The following NTRK3 variants were observed in gnomAD, a reference collection of about 807,000 sequenced individuals.
NTRK3 encodes NT-3 growth factor receptor.
A neutral mutation model predicts 91.7 loss-of-function variants in NTRK3; 24 were observed. The observed-to-expected ratio is 0.26, with a 90% CI of 0.19 to 0.37. The LOEUF is 0.37. Ranked by LOEUF, NTRK3 falls within the 10% of genes least tolerant of loss-of-function variation. NTRK3 has a pLI of 1.00. For missense variants in NTRK3, 880 were observed against 1,068.9 expected, an observed-to-expected ratio of 0.82 and a Z score of 2.46; for synonymous variants, 483 against 404.0, an observed-to-expected ratio of 1.20 and a Z score of -2.34.
intron 16 of NTRK3, among the ~76,000 whole-genome samples, chr15:87,930,247 C>T (rs547079437): frequency 4.6e-5 from 7 of 152,248 alleles, no homozygotes; most frequent in South Asian, 2.1e-4. Context: ...AAATCAAGCC[C>T]GGATTTGTTA....
chr15:87,869,592 T>C (rs568892656), exon 19 of NTRK3: 10 of 213,184 alleles, frequency 4.7e-5, no homozygotes, highest in Admixed American at 4.1e-4. Context: ...ATTAAGACTT[T>C]CGTGGAGTTT....
intron 6 of NTRK3, among the ~76,000 whole-genome samples, chr15:88,140,662 T>C (rs961877983): frequency 5.9e-5 from 9 of 152,358 alleles, no homozygotes; most frequent in African/African-American, 2.2e-4. Flanking sequence ...GCAATGATGT[T>C]ATCACGTCCT....
At chr15:87,881,858 G>C (rs554530026) in intron 17 of NTRK3, among the ~76,000 whole-genome samples, 2 of 152,068 alleles carry the variant, frequency 1.3e-5, no homozygotes, top group Non-Finnish European at 2.9e-5. Flanking sequence ...AATTTTAGGA[G>C]GTAAATTATA....
chr15:88,069,245 G>A (rs993149300), intron 13 of NTRK3, among the ~76,000 whole-genome samples: 1 of 152,124 alleles, frequency 6.6e-6, no homozygotes, highest in Non-Finnish European at 1.5e-5. Flanking sequence ...ATCCAAAGTG[G>A]CATCACCATA....
At chr15:88,053,331 A>G (rs1040735703) in intron 13 of NTRK3, among the ~76,000 whole-genome samples, 2 of 152,212 alleles carry the variant, frequency 1.3e-5, no homozygotes, top group Non-Finnish European at 2.9e-5. Context: ...GGCTCCACTT[A>G]ATAGCCAAGG....
intron 5 of NTRK3, 100 bp from the exon 6 acceptor site, chr15:88,147,503 TTCCTTCTTCTTCTTCTTCTTC>T: frequency 1.1e-6 from 1 of 883,806 alleles, no homozygotes; most frequent in Non-Finnish European, 1.8e-6. Flanking sequence ...TGGCTTTGTT[TTCCTTCTTCTTCTTCTTCTTC>T]TTCTTCTTCT....
chr15:88,131,968 G>A (rs1259313201), intron 10 of NTRK3: 2 of 202,788 alleles, frequency 9.9e-6, no homozygotes, highest in African/African-American at 2.3e-5. Flanking sequence ...CTGGGGCTGT[G>A]CCATGAAGGG....
intron 14 of NTRK3, among the ~76,000 whole-genome samples, chr15:87,988,418 T>C (rs767713834): frequency 1.4e-4 from 21 of 152,208 alleles, no homozygotes; most frequent in Admixed American, 1.2e-3. Context: ...GAGTATAGTA[T>C]TGAACTTAAT....
chr15:87,993,709 C>A (rs2075461930), intron 14 of NTRK3, among the ~76,000 whole-genome samples: 1 of 152,170 alleles, frequency 6.6e-6, no homozygotes, highest in Admixed American at 6.5e-5. Context: ...CAGATACCAG[C>A]AAATGTATAT....
chr15:88,225,983 C>G (rs1025705119), intron 3 of NTRK3, among the ~76,000 whole-genome samples: 4 of 152,140 alleles, frequency 2.6e-5, no homozygotes, highest in African/African-American at 4.8e-5. Context: ...TCTAAAGGGC[C>G]GAGGTGACAA....
At chr15:88,224,613 T>A (rs193120554) in intron 3 of NTRK3, among the ~76,000 whole-genome samples, 115 of 152,338 alleles carry the variant, frequency 7.5e-4, no homozygotes, top group African/African-American at 2.6e-3. Context: ...TGGAACCTAT[T>A]AAGACTTCAG....
chr15:87,926,582 G>C (rs1360370198), intron 17 of NTRK3: 1 of 152,188 alleles, frequency 6.6e-6, no homozygotes, highest in African/African-American at 2.4e-5. Context: ...AAATTAGATA[G>C]ATGTATTCCT....
At chr15:88,229,829 C>T (rs554737429) in intron 3 of NTRK3, among the ~76,000 whole-genome samples, 1 of 152,380 alleles carries the variant, frequency 6.6e-6, no homozygotes, top group African/African-American at 2.4e-5. Flanking sequence ...ATGAATGGAT[C>T]AGTGTAGCCC....
intron 7 of NTRK3, 67 bp from the exon 8 acceptor site, chr15:88,136,676 T>C (rs1457693803): frequency 3.2e-6 from 5 of 1,559,488 alleles, no homozygotes; most frequent in Non-Finnish European, 3.5e-6. Context: ...GCTCTGTCCA[T>C]GGGGCTGATG....
At chr15:88,245,858 T>C (rs1159466809) in intron 3 of NTRK3, among the ~76,000 whole-genome samples, 1 of 152,212 alleles carries the variant, frequency 6.6e-6, no homozygotes, top group Non-Finnish European at 1.5e-5. Context: ...CATTTAGTCG[T>C]TGCCATAAAT....
intron 17 of NTRK3, among the ~76,000 whole-genome samples, chr15:87,908,140 CTCG>C (rs1196689807): frequency 6.6e-6 from 1 of 152,218 alleles, no homozygotes; most frequent in Non-Finnish European, 1.5e-5. Context: ...AGCCAAACCA[CTCG>C]TCCATGCAGA....
At chr15:87,929,248 T>C (rs2068584103) in exon 17 of NTRK3, 1 of 1,614,076 alleles carries the variant, frequency 6.2e-7, no homozygotes, top group Admixed American at 1.7e-5. Context: ...CAATCTTCAC[T>C]AGCAGATTCG....
At chr15:87,961,927 G>A (rs564654217) in intron 14 of NTRK3, among the ~76,000 whole-genome samples, 11 of 152,342 alleles carry the variant, frequency 7.2e-5, no homozygotes, top group African/African-American at 2.6e-4. Context: ...TACCAGAGAG[G>A]TGGGCCACAC....
At chr15:88,093,741 T>A (rs574884827) in intron 13 of NTRK3, among the ~76,000 whole-genome samples, 1 of 152,218 alleles carries the variant, frequency 6.6e-6, no homozygotes, top group East Asian at 1.9e-4. Flanking sequence ...GTTCTTTCTT[T>A]GGACTCAGTA....
Sources: allele counts gnomAD v4.1 joint callset (sites outside exome capture counted in the v4.1 genomes callset), GRCh38; gene constraint gnomAD v4.1.1; transcripts MANE v1.5; gene names NCBI Gene and HGNC (gene_info 2026-07-23, HGNC 2026-07-21).